The following RDX variants were observed in gnomAD, a reference collection of about 807,000 sequenced individuals.
The protein encoded by RDX is radixin.
A neutral mutation model predicts 83.7 loss-of-function variants in RDX; 32 were observed. That is an observed-to-expected ratio of 0.38 (90% CI 0.29 to 0.51). The LOEUF (loss-of-function observed/expected upper bound fraction) is 0.51. Among genes scored for constraint, RDX ranks in the 20% least tolerant of loss-of-function variants. The pLI, the probability that RDX is intolerant of heterozygous loss-of-function variation, is 0.87. For missense variants in RDX, 600 were observed against 689.9 expected, an observed-to-expected ratio of 0.87 and a Z score of 1.46; for synonymous variants, 229 against 222.7, an observed-to-expected ratio of 1.03 and a Z score of -0.25.
intron 15 of RDX, among the ~76,000 whole-genome samples, chr11:110,183,456 T>C (rs900627402): frequency 1.3e-5 from 2 of 152,190 alleles, no homozygotes; most frequent in Non-Finnish European, 2.9e-5. Flanking sequence ...GTCTCCTAAA[T>C]AGCTGGGACT....
intron 13 of RDX, 131 bp downstream of exon 13, chr11:110,233,106 C>A: frequency 9.0e-7 from 1 of 1,108,184 alleles, no homozygotes; most frequent in Non-Finnish European, 1.4e-6. Flanking sequence ...GACTATAGGC[C>A]AAACACCCAC....
intron 15 of RDX, among the ~76,000 whole-genome samples, chr11:110,182,929 C>T (rs4754429): frequency 0.14 from 21,220 of 152,154 alleles, 1,710 homozygotes; most frequent in Non-Finnish European, 0.18. Context: ...CTTTTACAGG[C>T]GTCAGAATTG....
At position 110,183,172 on chromosome 11, in the gene RDX, G is replaced by A. The variant is rs191871701; in HGVS notation, c.*32-7938C>T. Among the ~76,000 whole-genome samples the A allele has an allele frequency of 1.7e-3, 263 of 152,298 alleles. 2 individuals carry two copies. The highest frequency in any genetic ancestry group is 5.8e-3 in the African/African-American group (239 of 41,558). ...CTGATGAAGAAATATGGTGGGTACA[G>A]GGTGCAGCAGACCTGAGTGTACACA... On this transcript the variant is annotated intron_variant, in intron 15 of 15. Coordinates refer to the RDX transcript ENST00000528498.
intron 3 of RDX, among the ~76,000 whole-genome samples, chr11:110,267,138 A>G (rs2134389686): frequency 2.0e-5 from 3 of 152,262 alleles, no homozygotes; most frequent in Admixed American, 2.0e-4. Flanking sequence ...TCCTGAGCTC[A>G]AGGGATCTGC....
At chr11:110,255,046 A>G (rs908312189) in intron 8 of RDX, among the ~76,000 whole-genome samples, 1 of 152,184 alleles carries the variant, frequency 6.6e-6, no homozygotes, top group East Asian at 1.9e-4. Flanking sequence ...CCTAATAAAT[A>G]TTATCTATTT....
At chr11:110,234,255 C>A (rs1404278289) in intron 12 of RDX, among the ~76,000 whole-genome samples, 42 of 152,142 alleles carry the variant, frequency 2.8e-4, no homozygotes. Flanking sequence ...AAGGAAGTAA[C>A]TAAACAAATA....
chr11:110,209,122 T>G (rs1863715773), intron 14 of RDX, among the ~76,000 whole-genome samples: 1 of 152,024 alleles, frequency 6.6e-6, no homozygotes, highest in Non-Finnish European at 1.5e-5. Context: ...CACAGGTCAG[T>G]GGATGCGCGC....
In RDX at chr11:110,237,360, T is replaced by G. The variant is rs77425750; in HGVS notation, c.1251+132A>C. On this transcript the variant is annotated intron_variant, in intron 11 of 13. Transcript: ENST00000645495. ...TTTCTAGGTTTTTGTCTACATTTTG[T>G]TATTAAGTTACATGTTATCTTTGGC... is the stretch of plus-strand genomic sequence containing the variant. 0.012 allele frequency: 9,169 copies of G among 787,040 alleles called. 538 individuals are homozygous for G. In the East Asian group the frequency reaches 0.13, roughly 12 times the overall value. 48.8% of individuals were successfully genotyped at this position (787,040 alleles called of 1,614,324 possible).
Position 110,232,969 on chromosome 11 carries a change from T to C in RDX, c.1587+268A>G, listed in dbSNP as rs147624214. 1.2e-4 allele frequency among the ~76,000 whole-genome samples: 18 copies of C among 152,340 alleles called. No individual in the cohort carries two copies. The East Asian group carries it at 3.5e-3, about 29-fold the overall frequency. ...AAATTCACGTTTTTCAACATGACAT[T>C]AGAATACTTTCTACCTTTTAAAATG... On this transcript the variant is annotated intron_variant, in intron 13 of 13. Transcript: ENST00000645495.
At chr11:110,212,526 C>A (rs575060300) in intron 14 of RDX, among the ~76,000 whole-genome samples, 1 of 51,928 alleles carries the variant, frequency 1.9e-5, no homozygotes, top group Admixed American at 2.0e-4. Flanking sequence ...GGCAGAGACA[C>A]AACCAAAAAA....
intron 3 of RDX, among the ~76,000 whole-genome samples, chr11:110,267,987 A>G (rs1478524864): frequency 1.3e-5 from 2 of 152,030 alleles, no homozygotes; most frequent in Admixed American, 1.3e-4. Context: ...AAATAAGAAA[A>G]AAGCATTTAG....
At chr11:110,214,170 A>T (rs1863942512) in intron 14 of RDX, among the ~76,000 whole-genome samples, 1 of 151,844 alleles carries the variant, frequency 6.6e-6, no homozygotes, top group Non-Finnish European at 1.5e-5. Flanking sequence ...CCCATCAAAA[A>T]GTGGGAGAAG....
chr11:110,220,961 C>T (rs1174133448), intron 14 of RDX, among the ~76,000 whole-genome samples: 1 of 150,642 alleles, frequency 6.6e-6, no homozygotes, highest in Non-Finnish European at 1.5e-5. Context: ...TGGGGATAAC[C>T]ATAGGCTACA....
intron 2 of RDX, among the ~76,000 whole-genome samples, chr11:110,277,230 G>A (rs77445209): frequency 0.043 from 6,484 of 152,174 alleles, 464 homozygotes; most frequent in African/African-American, 0.15. Flanking sequence ...AGCTGTAAAC[G>A]TTCACATTCC....
intron 15 of RDX, among the ~76,000 whole-genome samples, chr11:110,188,542 A>G (rs556312754): frequency 6.6e-6 from 1 of 152,158 alleles, no homozygotes; most frequent in East Asian, 1.9e-4. Flanking sequence ...ATAAAAGACT[A>G]CATATTGGGT....
Position 110,247,054 on chromosome 11 carries a change from G to A in RDX, c.1090+649C>T, listed in dbSNP as rs150591337. Among the ~76,000 whole-genome samples the A allele has an allele frequency of 4.4e-3, 672 of 152,024 alleles. 4 individuals carry two copies. Among genetic ancestry groups the A allele is most frequent in the African/African-American group, 0.015 (610 of 41,478 alleles). On this transcript the variant is annotated intron_variant, in intron 10 of 13. Transcript: ENST00000645495. ...TTTTTTCTTGCTTTCTCCACTATTC[G>A]CTGAGTGAAAGTGGTATATCCTAAA...
downstream of RDX, among the ~76,000 whole-genome samples, chr11:110,226,010 G>A (rs1864421318): frequency 6.9e-6 from 1 of 145,478 alleles, no homozygotes; most frequent in African/African-American, 2.6e-5. Context: ...AGGTTGCAGT[G>A]AGCCAAAATC....
Position 110,236,527 on chromosome 11 carries a change from C to T in RDX, c.1252-336G>A, listed in dbSNP as rs1160307394. 7 of 266,208 alleles carry T rather than the reference C, an allele frequency of 2.6e-5. No homozygotes were observed. The East Asian group carries it at 6.9e-4, about 26-fold the overall frequency. 16.5% of individuals were successfully genotyped at this position (266,208 alleles called of 1,614,324 possible). On this transcript the variant is annotated intron_variant, in intron 11 of 13. Coordinates refer to ENST00000645495, the MANE Select transcript of RDX (RefSeq NM_002906.4). The stretch of plus-strand genomic sequence containing the variant: ...AGTCCACAAAAGATAAAATATTTAT[C>T]TAATGCTATATACTTTAAATGGCAC...
chr11:110,192,801 AACCACAATGAGAT>A (rs1385731758), intron 15 of RDX, among the ~76,000 whole-genome samples: 2 of 152,340 alleles, frequency 1.3e-5, no homozygotes, highest in African/African-American at 4.8e-5. Context: ...TGCAAATCAA[AACCACAATGAGAT>A]ACCATCTCAC....
Sources: allele counts gnomAD v4.1 joint callset (sites outside exome capture counted in the v4.1 genomes callset), GRCh38; gene constraint gnomAD v4.1.1; transcripts MANE v1.5; gene names NCBI Gene and HGNC (gene_info 2026-07-23, HGNC 2026-07-21).